The following RBFOX1 variants were observed in gnomAD, a reference collection of about 807,000 sequenced individuals.
RBFOX1 encodes RNA binding fox-1 homolog 1.
RBFOX1 carries 8 observed loss-of-function variants against 57.7 expected under a neutral mutation model. That is an observed-to-expected ratio of 0.14 (90% confidence interval 0.08 to 0.25). The LOEUF (loss-of-function observed/expected upper bound fraction) is 0.25, where lower values mean the gene tolerates loss of function less well. Among genes scored for constraint, RBFOX1 ranks in the 10% least tolerant of loss-of-function variants. The pLI is 1.00. For synonymous variants in RBFOX1, 326 were observed against 222.4 expected, an observed-to-expected ratio of 1.47 and a Z score of -4.15; for missense variants, 611 against 548.5, an observed-to-expected ratio of 1.11 and a Z score of -1.14.
At position 7,133,898 on chromosome 16, in the gene RBFOX1, A is replaced by G. The variant is rs144145794; in HGVS notation, c.27+81800A>G. ...AAAAAATATACAGCTAAACAGAAAA[A>G]CAACATCAGTTCCAAATATGAATAC... On this transcript the variant is annotated intron_variant, in intron 4 of 15. Transcript: ENST00000550418. Among the ~76,000 whole-genome samples, 21 of 152,320 alleles carry G rather than the reference A, an allele frequency of 1.4e-4. No individual in the cohort carries two copies. In the East Asian group the frequency reaches 4.1e-3, roughly 29 times the overall value.
chr16:7,450,018 C>G (rs1598707013), intron 4 of RBFOX1, among the ~76,000 whole-genome samples: 2 of 152,044 alleles, frequency 1.3e-5, no homozygotes, highest in South Asian at 4.1e-4. Flanking sequence ...AGGAGGAGAG[C>G]CTTGTGGCAG....
At chr16:7,442,402 C>G (rs565964654) in intron 4 of RBFOX1, among the ~76,000 whole-genome samples, 7 of 152,240 alleles carry the variant, frequency 4.6e-5, no homozygotes, top group Non-Finnish European at 8.8e-5. Flanking sequence ...ATTTGTCGAA[C>G]TCTGGGCCCT....
At chr16:5,880,232 A>T (rs370643040) in intron 4 of RBFOX1, among the ~76,000 whole-genome samples, 2 of 152,166 alleles carry the variant, frequency 1.3e-5, no homozygotes, top group African/African-American at 4.8e-5. Context: ...CTATTTGTCA[A>T]TGGTCACACA....
At chr16:5,404,078 C>T (rs907419226) in intron 1 of RBFOX1, among the ~76,000 whole-genome samples, 2 of 4,062 alleles carry the variant, frequency 4.9e-4, no homozygotes, top group Non-Finnish European at 7.9e-4. Flanking sequence ...GTCATGGGGG[C>T]GGGGTGGGGG....
At chr16:6,979,709 AT>A (rs2088143089) in intron 3 of RBFOX1, among the ~76,000 whole-genome samples, 1 of 152,212 alleles carries the variant, frequency 6.6e-6, no homozygotes, top group South Asian at 2.1e-4. Flanking sequence ...TATTATGCTT[AT>A]AAATTTGAAG....
intron 6 of RBFOX1, 37 bp from the exon 7 acceptor site, chr16:7,587,210 C>A (rs1014494901): frequency 1.3e-6 from 2 of 1,487,952 alleles, no homozygotes; most frequent in Non-Finnish European, 1.8e-6. Context: ...TACTGCATTT[C>A]TCTTCTTGCT....
At chr16:7,124,487 C>G (rs2067937273) in intron 4 of RBFOX1, among the ~76,000 whole-genome samples, 1 of 148,692 alleles carries the variant, frequency 6.7e-6, no homozygotes, top group Non-Finnish European at 1.5e-5. Flanking sequence ...CAACCATCCT[C>G]CCTCCCTTCC....
At chr16:6,302,956 G>A (rs1409703808) in intron 1 of RBFOX1, among the ~76,000 whole-genome samples, 1 of 152,140 alleles carries the variant, frequency 6.6e-6, no homozygotes, top group Non-Finnish European at 1.5e-5. Context: ...ATCAGTGAAG[G>A]CACTTCACAT....
At chr16:5,656,498 G>A (rs2049435046) in intron 3 of RBFOX1, among the ~76,000 whole-genome samples, 2 of 152,162 alleles carry the variant, frequency 1.3e-5, no homozygotes, top group South Asian at 4.1e-4. Flanking sequence ...TATACAACTT[G>A]TTAAGTTTGG....
intron 5 of RBFOX1, among the ~76,000 whole-genome samples, chr16:7,575,120 AG>A (rs1285101467): frequency 6.6e-6 from 1 of 152,092 alleles, no homozygotes; most frequent in East Asian, 1.9e-4. Flanking sequence ...TCCTGGATTT[AG>A]GATGGGCTCA....
intron 3 of RBFOX1, among the ~76,000 whole-genome samples, chr16:6,857,406 G>C (rs2058104983): frequency 6.6e-6 from 1 of 150,856 alleles, no homozygotes; most frequent in African/African-American, 2.4e-5. Context: ...AAGCATGGGA[G>C]AGGTCAAATC....
chr16:5,876,044 C>T (rs1433353324), intron 4 of RBFOX1, among the ~76,000 whole-genome samples: 4 of 152,038 alleles, frequency 2.6e-5, no homozygotes, highest in African/African-American at 4.8e-5. Flanking sequence ...GGGGTTTCGC[C>T]GTGTTAGCCA....
chr16:5,610,097 C>G (rs1596444056), intron 3 of RBFOX1, among the ~76,000 whole-genome samples: 2 of 152,286 alleles, frequency 1.3e-5, no homozygotes, highest in South Asian at 4.1e-4. Flanking sequence ...TGCCGGCTTG[C>G]TGTACCTCCT....
At chr16:7,265,842 A>C (rs1005976774) in intron 4 of RBFOX1, among the ~76,000 whole-genome samples, 3 of 152,072 alleles carry the variant, frequency 2.0e-5, no homozygotes, top group South Asian at 4.1e-4. Context: ...TCATGTTGAA[A>C]TATAACTCCC....
chr16:6,778,724 C>T (rs929015490), intron 3 of RBFOX1, among the ~76,000 whole-genome samples: 6 of 151,954 alleles, frequency 3.9e-5, no homozygotes, highest in African/African-American at 1.2e-4. Context: ...ACTAGATTGT[C>T]TTCCTGAGTC....
intron 3 of RBFOX1, among the ~76,000 whole-genome samples, chr16:6,943,579 G>C (rs555640201): frequency 2.7e-3 from 408 of 152,080 alleles, no homozygotes; most frequent in Non-Finnish European, 4.3e-3. Context: ...GCGGTGGCGG[G>C]TGCCTGTAGT....
intron 4 of RBFOX1, among the ~76,000 whole-genome samples, chr16:7,471,481 G>C (rs1017385655): frequency 5.9e-5 from 9 of 152,012 alleles, no homozygotes; most frequent in Non-Finnish European, 1.2e-4. Context: ...ATTTAGTGTG[G>C]GTGAGGCACC....
chr16:6,290,393 G>A (rs888249126), intron 1 of RBFOX1, among the ~76,000 whole-genome samples: 2 of 151,634 alleles, frequency 1.3e-5, no homozygotes, highest in Non-Finnish European at 2.9e-5. Context: ...TTTGGACAGT[G>A]GAGGAGGAGG....
chr16:5,354,372 G>A (rs1316760580), intron 1 of RBFOX1, among the ~76,000 whole-genome samples: 2 of 152,068 alleles, frequency 1.3e-5, no homozygotes, highest in Non-Finnish European at 2.9e-5. Flanking sequence ...AAGACAGACC[G>A]ACTTGAATTA....
Sources: allele counts gnomAD v4.1 joint callset (sites outside exome capture counted in the v4.1 genomes callset), GRCh38; gene constraint gnomAD v4.1.1; transcripts MANE v1.5; gene names NCBI Gene and HGNC (gene_info 2026-07-23, HGNC 2026-07-21).